AGPAT5: variants seen among roughly 807,000 people sequenced by gnomAD.
AGPAT5 encodes the protein 1-acyl-sn-glycerol-3-phosphate acyltransferase epsilon.
Under a neutral mutation model 45.6 loss-of-function variants are expected in AGPAT5, and 46 were observed. That is an observed-to-expected ratio of 1.01 (90% CI 0.80 to 1.29). The LOEUF (loss-of-function observed/expected upper bound fraction) is 1.29. Ranked by LOEUF, AGPAT5 falls within the 50% of genes most tolerant of loss-of-function variation. The pLI is 0.00. For synonymous variants in AGPAT5, 272 were observed against 167.0 expected (o/e 1.63, Z -4.85); for missense variants, 673 against 450.7 (o/e 1.49, Z -4.47).
At position 6,724,472 on chromosome 8, in the gene AGPAT5, G is replaced by A. The variant is rs367642070; in HGVS notation, c.220-398G>A. 6.6e-5 allele frequency among the ~76,000 whole-genome samples: 10 copies of A among 152,060 alleles called. No homozygotes were observed. The South Asian group carries it at 1.7e-3, about 25-fold the overall frequency. On this transcript the variant is annotated intron_variant, in intron 1 of 7. Coordinates refer to ENST00000285518, the MANE Select transcript of AGPAT5 (RefSeq NM_018361.5). ...AAAACAAATTTAAAACCTTAAAAAG[G>A]TACCATATTTTCATAGTATTTGCGT... is the stretch of plus-strand genomic sequence containing the variant.
intron 7 of AGPAT5, 82 bp from the exon 8 acceptor site, chr8:6,757,081 G>A (rs530074754): frequency 7.8e-5 from 81 of 1,038,886 alleles, no homozygotes; most frequent in South Asian, 2.2e-4. Flanking sequence ...CTTTTCCAGC[G>A]TGTAATAGCT....
chr8:6,755,651 C>G (rs1485170442), intron 7 of AGPAT5, among the ~76,000 whole-genome samples: 1 of 152,160 alleles, frequency 6.6e-6, no homozygotes, highest in African/African-American at 2.4e-5. Context: ...AGCGTTATAT[C>G]CAAAGTGTCT....
chr8:6,758,995 C>G lies in AGPAT5; in HGVS notation c.*1607C>G, dbSNP rs1051736732. ...TCCCATGCCAGAGAATAAACTCTTT[C>G]AAGCATCATCTTTGAAGAGTCGTGT... On this transcript the variant is annotated 3_prime_UTR_variant, in exon 8 of 8. Transcript: ENST00000285518. 7.2e-5 allele frequency: 11 copies of G among 152,400 alleles called. No individual in the cohort carries two copies. The highest frequency in any genetic ancestry group is 2.4e-4 in the African/African-American group (10 of 41,450). 9.4% of individuals were successfully genotyped at this position (152,400 alleles called of 1,614,324 possible).
intron 4 of AGPAT5, among the ~76,000 whole-genome samples, chr8:6,740,766 TAG>T: frequency 6.6e-6 from 1 of 152,068 alleles, no homozygotes; most frequent in East Asian, 1.9e-4. Context: ...CGTACAGAGG[TAG>T]ACAGTGTTGT....
intron 2 of AGPAT5, among the ~76,000 whole-genome samples, chr8:6,726,045 G>T (rs1800676086): frequency 6.6e-6 from 1 of 152,210 alleles, no homozygotes; most frequent in South Asian, 2.1e-4. Flanking sequence ...GGGTTGATAG[G>T]AATCTTGATG....
chr8:6,729,260 C>T (rs2116892354), intron 2 of AGPAT5, among the ~76,000 whole-genome samples: 1 of 151,962 alleles, frequency 6.6e-6, no homozygotes, highest in South Asian at 2.1e-4. Flanking sequence ...GAGAGCTAAT[C>T]ATCTTGTAAT....
chr8:6,724,103 A>G (rs1416200862), intron 1 of AGPAT5, among the ~76,000 whole-genome samples: 2 of 152,200 alleles, frequency 1.3e-5, no homozygotes, highest in African/African-American at 4.8e-5. Context: ...GGACTAATAC[A>G]GGTACATCGA....
At chr8:6,749,608 T>C (rs534367988) in intron 6 of AGPAT5, among the ~76,000 whole-genome samples, 78 of 152,346 alleles carry the variant, frequency 5.1e-4, no homozygotes, top group African/African-American at 1.8e-3. Context: ...TATCTTCTTA[T>C]TCTACCATCC....
At chr8:6,721,397 A>C (rs80153835) in intron 1 of AGPAT5, among the ~76,000 whole-genome samples, 1,648 of 152,326 alleles carry the variant, frequency 0.011, 34 homozygotes, top group African/African-American at 0.037. Context: ...TCCATTAATC[A>C]CTTAACAGAG....
intron 3 of AGPAT5, among the ~76,000 whole-genome samples, chr8:6,731,605 G>A (rs1800866535): frequency 6.6e-6 from 1 of 152,050 alleles, no homozygotes; most frequent in Admixed American, 6.6e-5. Flanking sequence ...ACTCATGGAT[G>A]TGAAGGGCCA....
intron 5 of AGPAT5, among the ~76,000 whole-genome samples, chr8:6,746,875 A>T (rs1181151683): frequency 6.6e-6 from 1 of 152,204 alleles, no homozygotes; most frequent in Non-Finnish European, 1.5e-5. Flanking sequence ...ATCAAGGAAA[A>T]GGGAGGTAAT....
chr8:6,757,209 A>C lies in AGPAT5; in HGVS notation c.916A>C (p.Arg306=), dbSNP rs1317579123. 1 of 1,614,152 alleles carries C rather than the reference A, an allele frequency of 6.2e-7. No individual in the cohort carries two copies. Among genetic ancestry groups the C allele is most frequent in the Non-Finnish European group, 8.5e-7 (1 of 1,180,016 alleles). The change falls in exon 8 of 8, where the codon AGA becomes CGA. Residue 306 remains arginine (R), a synonymous_variant. Transcript: ENST00000285518. ...YESPDPERRK[R]FPGKSVNSKL... ...GTCACCAGATCCAGAAAGAAGAAAA[A>C]GATTTCCTGGGAAAAGTGTTAATTC... is the stretch of plus-strand genomic sequence containing the variant.
chr8:6,746,113 C>G (rs1437110635), intron 5 of AGPAT5: 1 of 151,640 alleles, frequency 6.6e-6, no homozygotes, highest in African/African-American at 2.4e-5. Flanking sequence ...CTCCCCCACT[C>G]CCCAACTTCC....
Position 6,723,811 on chromosome 8 carries a change from T to A in AGPAT5, c.220-1059T>A, listed in dbSNP as rs1425321603. ...TTTATGTTATCTAAGTGCATTTGTC[T>A]GCAAAGTTGTTGGGTTAATTGCCCC... On this transcript the variant is annotated intron_variant, in intron 1 of 7. Coordinates refer to ENST00000285518, the MANE Select transcript of AGPAT5 (RefSeq NM_018361.5). Among the ~76,000 whole-genome samples, 3 of 152,350 alleles carry A rather than the reference T, an allele frequency of 2.0e-5. No homozygotes were observed. The East Asian group carries it at 5.8e-4, about 29-fold the overall frequency.
Position 6,758,481 on chromosome 8 carries a change from G to C in AGPAT5, c.*1093G>C, listed in dbSNP as rs894569147. ...CTTGCTAGGAAGAAATGCAGAGCCA[G>C]CCTGTGCTGCCCACTTTCAGAGTTG... On this transcript the variant is annotated 3_prime_UTR_variant, in exon 8 of 8. Coordinates refer to ENST00000285518, the MANE Select transcript of AGPAT5 (RefSeq NM_018361.5). The C allele has an allele frequency of 6.6e-6, 1 of 152,594 alleles. No individual in the cohort carries two copies. Among genetic ancestry groups the C allele is most frequent in the African/African-American group, 2.4e-5 (1 of 41,462 alleles). 9.5% of individuals were successfully genotyped at this position (152,594 alleles called of 1,614,324 possible).
intron 4 of AGPAT5, among the ~76,000 whole-genome samples, chr8:6,738,704 T>C (rs1801138369): frequency 6.6e-6 from 1 of 152,242 alleles, no homozygotes. Flanking sequence ...AGAATGTTCC[T>C]GTACAAGTTT....
chr8:6,747,282 A>G (rs561636902), intron 5 of AGPAT5, among the ~76,000 whole-genome samples: 71 of 152,360 alleles, frequency 4.7e-4, no homozygotes, highest in African/African-American at 1.7e-3. Flanking sequence ...ACAGGAGGCC[A>G]TGTGCTGTGT....
chr8:6,740,922 A>G (rs184574590), intron 4 of AGPAT5, among the ~76,000 whole-genome samples: 143 of 152,230 alleles, frequency 9.4e-4, no homozygotes, highest in African/African-American at 3.3e-3. Context: ...CTGTCAATCA[A>G]AGTTATTAGT....
Position 6,732,551 on chromosome 8 carries a change from A to T in AGPAT5, c.406-10A>T, listed in dbSNP as rs755555291. The T allele has an allele frequency of 1.3e-6, 2 of 1,584,484 alleles. No individual in the cohort carries two copies. Among genetic ancestry groups the T allele is most frequent in the South Asian group, 1.2e-5 (1 of 84,878 alleles). The stretch of plus-strand genomic sequence containing the variant: ...AGTAAATGCTCTTTCTCCCGATTTG[A>T]TTGTGGCAGCATGGAGGAATCTATG... On this transcript the variant is annotated splice_polypyrimidine_tract_variant and intron_variant, in intron 3 of 7. Transcript: ENST00000285518.
Sources: gnomAD v4.1 joint callset for allele counts (sites outside exome capture counted in the v4.1 genomes callset) on GRCh38, gnomAD v4.1.1 for gene constraint, MANE v1.5 for transcripts, NCBI Gene and HGNC (gene_info 2026-07-23, HGNC 2026-07-21) for gene names.